Variants in CLEC9A observed in about 807,000 individuals in gnomAD.
CLEC9A encodes C-type lectin domain containing 9A.
Under a neutral mutation model 30.0 loss-of-function variants are expected in CLEC9A, and 24 were observed. The ratio of observed to expected loss-of-function variants is 0.80; its 90% confidence interval spans 0.58 to 1.13. The LOEUF is 1.13. Among genes scored for constraint, CLEC9A ranks in the 50% most tolerant of loss-of-function variants. The pLI, the probability that CLEC9A is intolerant of heterozygous loss-of-function variation, is 0.00. For missense variants in CLEC9A, 251 were observed against 280.9 expected, an observed-to-expected ratio of 0.89 and a Z score of 0.76; for synonymous variants, 111 against 96.8, an observed-to-expected ratio of 1.15 and a Z score of -0.86.
At chr12:10,056,266 A>G (rs1287166288) in intron 5 of CLEC9A, among the ~76,000 whole-genome samples, 1 of 152,066 alleles carries the variant, frequency 6.6e-6, no homozygotes, top group Non-Finnish European at 1.5e-5. Context: ...TTGTACCTAT[A>G]GATAAACCTG....
At chr12:10,039,426 G>A (rs1330353388) in intron 1 of CLEC9A, among the ~76,000 whole-genome samples, 1 of 152,168 alleles carries the variant, frequency 6.6e-6, no homozygotes, top group Admixed American at 6.5e-5. Flanking sequence ...TTAATTAAAA[G>A]TATTTTTAAG....
chr12:10,052,648 C>A lies in CLEC9A; in HGVS notation c.-40C>A. ...CCACAAGAGGAGTTACTTGTTCCAGCCTCCTGTGTGGACTGCTTTCCTATC... is the reference window on the plus strand; with the variant it reads ...CCACAAGAGGAGTTACTTGTTCCAGACTCCTGTGTGGACTGCTTTCCTATC... On this transcript the variant is annotated 5_prime_UTR_variant, in exon 4 of 9. Coordinates refer to ENST00000355819, the MANE Select transcript of CLEC9A (RefSeq NM_207345.4). 1 of 1,605,274 alleles carries A rather than the reference C, an allele frequency of 6.2e-7. No individual in the cohort carries two copies. The highest frequency in any genetic ancestry group is 8.5e-7 in the Non-Finnish European group (1 of 1,176,308).
At chr12:10,065,179 T>C (rs1866032861) in intron 8 of CLEC9A, among the ~76,000 whole-genome samples, 1 of 152,208 alleles carries the variant, frequency 6.6e-6, no homozygotes. Context: ...GCTTTTCAGA[T>C]GGCAGTGGGG....
chr12:10,057,361 G>A (rs1865952267), intron 5 of CLEC9A, among the ~76,000 whole-genome samples: 2 of 151,534 alleles, frequency 1.3e-5, no homozygotes, highest in Non-Finnish European at 3.0e-5. Context: ...TTTTAAATAG[G>A]ACCATGTGTC....
chr12:10,033,608 G>A (rs567837827), intron 1 of CLEC9A, among the ~76,000 whole-genome samples: 2 of 152,244 alleles, frequency 1.3e-5, no homozygotes, highest in African/African-American at 4.8e-5. Flanking sequence ...TTTTCTTGCT[G>A]CTCTCACATG....
At chr12:10,059,626 A>G (rs1481906653) in intron 5 of CLEC9A, among the ~76,000 whole-genome samples, 1 of 152,188 alleles carries the variant, frequency 6.6e-6, no homozygotes, top group Admixed American at 6.5e-5. Flanking sequence ...GAAGAGGGTA[A>G]AAAGACTTGT....
intron 1 of CLEC9A, among the ~76,000 whole-genome samples, chr12:10,033,816 G>C (rs1416856643): frequency 3.3e-5 from 5 of 151,680 alleles, no homozygotes; most frequent in Non-Finnish European, 7.4e-5. Context: ...TTTTAAAGTG[G>C]GGCCTAAATT....
chr12:10,031,967 G>C (rs533310541), intron 1 of CLEC9A, among the ~76,000 whole-genome samples: 1 of 151,770 alleles, frequency 6.6e-6, no homozygotes, highest in Middle Eastern at 3.4e-3. Flanking sequence ...AGACAAGGCT[G>C]AGCCTTGTTT....
chr12:10,036,507 CA>C (rs1865745119), intron 1 of CLEC9A, among the ~76,000 whole-genome samples: 1 of 152,198 alleles, frequency 6.6e-6, no homozygotes, highest in Non-Finnish European at 1.5e-5. Context: ...TGACCAATTA[CA>C]AAATACTTCT....
chr12:10,053,006 A>G (rs903294556), intron 4 of CLEC9A, among the ~76,000 whole-genome samples: 1 of 152,238 alleles, frequency 6.6e-6, no homozygotes, highest in East Asian at 1.9e-4. Context: ...CTGCCTCTCT[A>G]GAAAAGAAAA....
At chr12:10,040,497 C>A (rs891192457) in intron 1 of CLEC9A, among the ~76,000 whole-genome samples, 1 of 150,368 alleles carries the variant, frequency 6.7e-6, no homozygotes, top group Admixed American at 6.6e-5. Context: ...GTCGCCCAGG[C>A]TGGAGTGCGG....
chr12:10,064,515 C>T (rs1034628274), intron 7 of CLEC9A, among the ~76,000 whole-genome samples: 2 of 152,128 alleles, frequency 1.3e-5, no homozygotes, highest in African/African-American at 4.8e-5. Context: ...TCCCAGTTGC[C>T]TATTTTTTTC....
chr12:10,065,443 A>G (rs562598845), intron 8 of CLEC9A, 57 bp from the exon 9 acceptor site: 1 of 1,602,894 alleles, frequency 6.2e-7, no homozygotes, highest in African/African-American at 1.3e-5. Context: ...AGTTACCCTC[A>G]GGAGCATTTC....
rs563777818 is a variant in CLEC9A at position 10,052,606 on chromosome 12, C to A, written c.-58-24C>A. 20 of 1,559,676 alleles carry A rather than the reference C, an allele frequency of 1.3e-5. 1 individual carries two copies. In the South Asian group the frequency reaches 1.9e-4, roughly 15 times the overall value. ...AAAATGTAACCAATTTCAGTTCTTA[C>A]ACCAACCTGCTCCAAACCACAAGAG... On this transcript the variant is annotated intron_variant, in intron 3 of 8. Coordinates refer to ENST00000355819, the MANE Select transcript of CLEC9A (RefSeq NM_207345.4).
intron 2 of CLEC9A, among the ~76,000 whole-genome samples, chr12:10,051,616 A>T (rs1447781952): frequency 6.6e-6 from 1 of 152,184 alleles, no homozygotes; most frequent in Non-Finnish European, 1.5e-5. Context: ...GAGAAGACTG[A>T]TGAATCCAGT....
intron 8 of CLEC9A, among the ~76,000 whole-genome samples, chr12:10,065,150 CTATT>C (rs1178535456): frequency 6.6e-6 from 1 of 152,070 alleles, no homozygotes; most frequent in Non-Finnish European, 1.5e-5. Flanking sequence ...TAGAGAATAA[CTATT>C]TATTTCCACA....
In CLEC9A at chr12:10,032,539, C is replaced by T. The variant is rs548950799; in HGVS notation, c.-318+1567C>T. Among the ~76,000 whole-genome samples, 28 of 152,074 alleles carry T rather than the reference C, an allele frequency of 1.8e-4. 2 individuals carry two copies. The highest frequency in any genetic ancestry group is 6.7e-4 in the African/African-American group (28 of 41,500). Reference sequence around the variant, plus strand: ...TCGAGTAGCTGGGACTAAAGGCACCCGCCACCAAGCCTGGCTAATTTTTTT... The same window carrying T: ...TCGAGTAGCTGGGACTAAAGGCACCTGCCACCAAGCCTGGCTAATTTTTTT... On this transcript the variant is annotated intron_variant, in intron 1 of 8. Transcript: ENST00000355819.
Position 10,065,569 on chromosome 12 carries a change from G to A in CLEC9A, c.663G>A (p.Ser221=), listed in dbSNP as rs781361119. The A allele has an allele frequency of 6.0e-5, 97 of 1,613,738 alleles. No homozygotes were observed. Among genetic ancestry groups the A allele is most frequent in the Non-Finnish European group, 7.6e-5 (90 of 1,179,876 alleles). ...CGYVKSNSLL[S]SNCSTWKYFI... is the part of the protein sequence containing the mutation. Reference sequence around the variant, plus strand: ...ACGTGAAAAGCAATTCCCTTCTTTCGTCTAACTGCAGCACGTGGAAGTATT... The same window carrying A: ...ACGTGAAAAGCAATTCCCTTCTTTCATCTAACTGCAGCACGTGGAAGTATT... The change falls in exon 9 of 9, where the codon TCG becomes TCA. Residue 221 remains serine (S), a synonymous_variant. Coordinates refer to ENST00000355819, the MANE Select transcript of CLEC9A (RefSeq NM_207345.4).
rs372572114 is a variant in CLEC9A at position 10,065,630 on chromosome 12, T to C, written c.724T>C (p.Ter242ArgextTer38). ...CEKYALRSSV[*>R] ...GAAGTATGCGTTGAGATCCTCTGTC[T>C]GAAAGAAATTGTGTTCAAAGTGTTC... is the stretch of plus-strand genomic sequence containing the variant. Residue 242 changes from the stop codon to arginine, a stop_lost, in exon 9 of 9, where the codon TGA (stop) becomes CGA (arginine). Transcript: ENST00000355819. 3.4e-5 allele frequency: 55 copies of C among 1,613,524 alleles called. No individual in the cohort carries two copies. The highest frequency in any genetic ancestry group is 4.5e-5 in the Non-Finnish European group (53 of 1,179,700).
Sources: gnomAD v4.1 joint callset for allele counts (sites outside exome capture counted in the v4.1 genomes callset) on GRCh38, gnomAD v4.1.1 for gene constraint, MANE v1.5 for transcripts, NCBI Gene and HGNC (gene_info 2026-07-23, HGNC 2026-07-21) for gene names.